Variants in TRAF6 observed in about 807,000 individuals in gnomAD.
TRAF6 encodes the protein TNF receptor-associated factor 6.
Under a neutral mutation model 48.4 loss-of-function variants are expected in TRAF6, and 10 were observed. That is an observed-to-expected ratio of 0.21 (90% CI 0.13 to 0.35). TRAF6 has a LOEUF of 0.35. Among genes scored for constraint, TRAF6 ranks in the 10% least tolerant of loss-of-function variants. TRAF6 has a pLI of 1.00. For synonymous variants in TRAF6, 186 were observed against 219.6 expected (o/e 0.85, Z 1.35); for missense variants, 397 against 661.0 (o/e 0.60, Z 4.38).
At position 36,490,927 on chromosome 11, in the gene TRAF6, T is replaced by C. The variant is rs1463851425; in HGVS notation, c.757-277A>G. Among the ~76,000 whole-genome samples the C allele has an allele frequency of 6.6e-6, 1 of 152,196 alleles. No individual in the cohort carries two copies. Among genetic ancestry groups the C allele is most frequent in the East Asian group, 1.9e-4 (1 of 5,196 alleles). On this transcript the variant is annotated intron_variant, in intron 6 of 6. Transcript: ENST00000526995. The surrounding 1 kb of genome is among the most constrained non-coding windows in gnomAD (Gnocchi z 6.4). ...TGTATTTACACACATCCTTCTTTTC[T>C]AACTGAGATGCCTGTCCTCTCCAAG...
intron 2 of TRAF6, among the ~76,000 whole-genome samples, chr11:36,499,837 A>G (rs1179066298): frequency 6.6e-6 from 1 of 151,436 alleles, no homozygotes; most frequent in Non-Finnish European, 1.5e-5. Context: ...GGACAGACTT[A>G]TAATGAATTC....
At chr11:36,494,386 AC>A (rs1269596438) in intron 5 of TRAF6, among the ~76,000 whole-genome samples, 1 of 151,940 alleles carries the variant, frequency 6.6e-6, no homozygotes, top group Non-Finnish European at 1.5e-5. Context: ...AAACAAAAAA[AC>A]CCCACCATAT....
At chr11:36,494,850 C>T (rs1859608662) in intron 5 of TRAF6, 126 bp downstream of exon 5, 1 of 515,466 alleles carries the variant, frequency 1.9e-6, no homozygotes, top group Non-Finnish European at 3.3e-6. Context: ...AAAAAATTTT[C>T]ACACAGCTCT....
At chr11:36,509,383 C>A (rs567904704) in intron 1 of TRAF6, among the ~76,000 whole-genome samples, 1 of 151,724 alleles carries the variant, frequency 6.6e-6, no homozygotes, top group Non-Finnish European at 1.5e-5. Context: ...CTCGAACTAC[C>A]GAGTTTAGGG....
At chr11:36,495,364 C>G (rs1251521664) in intron 4 of TRAF6, among the ~76,000 whole-genome samples, 1 of 152,184 alleles carries the variant, frequency 6.6e-6, no homozygotes, top group Non-Finnish European at 1.5e-5. Flanking sequence ...CGAGGCTATA[C>G]TTCTCCAAAG....
chr11:36,497,343 T>C, intron 3 of TRAF6, 77 bp from the exon 4 acceptor site: 1 of 1,377,758 alleles, frequency 7.3e-7, no homozygotes, highest in South Asian at 1.4e-5. Context: ...AATCATATAC[T>C]GTTCTCTTTC....
intron 1 of TRAF6, among the ~76,000 whole-genome samples, chr11:36,504,485 A>G (rs771848657): frequency 6.6e-6 from 1 of 152,204 alleles, no homozygotes. Context: ...AAATTCAGTC[A>G]TATCTTCAGA....
At chr11:36,495,542 T>A (rs1859618962) in intron 4 of TRAF6, among the ~76,000 whole-genome samples, 1 of 152,204 alleles carries the variant, frequency 6.6e-6, no homozygotes, top group Non-Finnish European at 1.5e-5. Context: ...CTTTAGTTGA[T>A]GTGCTGAGAA....
Position 36,489,490 on chromosome 11 carries a change from A to G in TRAF6, c.*348T>C, listed in dbSNP as rs983581175. On this transcript the variant is annotated 3_prime_UTR_variant, in exon 7 of 7. Coordinates refer to ENST00000526995, the MANE Select transcript of TRAF6 (RefSeq NM_004620.4). ...GTTTTAAGGAAAATCCATTATTATTAAAAGTTTAGTACTCTTGAGTCTGGA... is the reference window on the plus strand; with the variant it reads ...GTTTTAAGGAAAATCCATTATTATTGAAAGTTTAGTACTCTTGAGTCTGGA... 4.6e-6 allele frequency: 1 copy of G among 219,242 alleles called. No individual in the cohort carries two copies. The highest frequency in any genetic ancestry group is 9.1e-6 in the Non-Finnish European group (1 of 110,482). The allele number at this position is 219,242 out of a possible 1,614,324, so 13.6% of individuals were successfully genotyped here.
Position 36,499,619 on chromosome 11 carries a change from G to T in TRAF6, c.297-979C>A, listed in dbSNP as rs5030451. On this transcript the variant is annotated intron_variant, in intron 2 of 6. Transcript: ENST00000526995. ...ATCTCAAAAATAAAATAATGTGGAG[G>T]TTGAGAAAAATCTACCCAAAATAGA... Among the ~76,000 whole-genome samples the T allele has an allele frequency of 1.5e-3, 234 of 152,242 alleles. 1 individual carries two copies. Among genetic ancestry groups the T allele is most frequent in the African/African-American group, 4.7e-3 (197 of 41,538 alleles).
chr11:36,498,904 T>C (rs1859678033), intron 2 of TRAF6, among the ~76,000 whole-genome samples: 1 of 152,208 alleles, frequency 6.6e-6, no homozygotes. Flanking sequence ...TCCAGCTTTT[T>C]GAGAAAAATT....
chr11:36,492,267 T>C (rs559159883), intron 6 of TRAF6, among the ~76,000 whole-genome samples: 24 of 152,202 alleles, frequency 1.6e-4, no homozygotes, highest in Admixed American at 7.9e-4. Flanking sequence ...CAAATCACCA[T>C]GCTCACTCTT....
chr11:36,485,747 G>T lies in TRAF6; in HGVS notation c.*4091C>A, dbSNP rs1859473967. On this transcript the variant is annotated 3_prime_UTR_variant, in exon 7 of 7. Coordinates refer to ENST00000526995, the MANE Select transcript of TRAF6 (RefSeq NM_004620.4). ...ACCTCCTTGCCAAGTGTCCGTTTTT[G>T]ACTGAAAGTGAAGGCTGTAATTGAG... 6.6e-6 allele frequency among the ~76,000 whole-genome samples: 1 copy of T among 152,124 alleles called. No individual in the cohort carries two copies. Among genetic ancestry groups the T allele is most frequent in the Non-Finnish European group, 1.5e-5 (1 of 68,030 alleles).
At position 36,487,228 on chromosome 11, in the gene TRAF6, T is replaced by A. The variant is rs1387490352; in HGVS notation, c.*2610A>T. The A allele has an allele frequency of 1.3e-5, 2 of 152,210 alleles. No individual in the cohort carries two copies. The highest frequency in any genetic ancestry group is 4.8e-5 in the African/African-American group (2 of 41,454). 9.4% of individuals were successfully genotyped at this position (152,210 alleles called of 1,614,324 possible). On this transcript the variant is annotated 3_prime_UTR_variant, in exon 7 of 7. Transcript: ENST00000526995. Reference sequence around the variant, plus strand: ...AAAAGGTGGTTAGTAACATACAACATAAAGCCCAAAGGCTTGTATACCCAA... The same window carrying A: ...AAAAGGTGGTTAGTAACATACAACAAAAAGCCCAAAGGCTTGTATACCCAA...
chr11:36,495,248 T>C (rs1461471979), intron 4 of TRAF6, among the ~76,000 whole-genome samples: 2 of 152,230 alleles, frequency 1.3e-5, no homozygotes, highest in Non-Finnish European at 2.9e-5. Flanking sequence ...TTCATTCAAC[T>C]TTCCAGCTCT....
rs989055162 is a variant in TRAF6 at position 36,488,614 on chromosome 11, T to C, written c.*1224A>G. On this transcript the variant is annotated 3_prime_UTR_variant, in exon 7 of 7. Transcript: ENST00000526995. The stretch of plus-strand genomic sequence containing the variant: ...TATATATAGGCCTTTAACAAATACA[T>C]GATGGCACACAAAAAAATCATCTCC... The C allele has an allele frequency of 5.3e-5, 8 of 152,108 alleles. No individual in the cohort carries two copies. The highest frequency in any genetic ancestry group is 1.9e-4 in the African/African-American group (8 of 41,392). 9.4% of individuals were successfully genotyped at this position (152,108 alleles called of 1,614,324 possible).
rs12281100 is a variant in TRAF6, at chr11:36,485,223, A to C, written c.*4615T>G. Among the ~76,000 whole-genome samples the C allele has an allele frequency of 0.022, 3,423 of 152,260 alleles. 149 individuals are homozygous for C. Among genetic ancestry groups the C allele is most frequent in the African/African-American group, 0.078 (3,222 of 41,510 alleles). On this transcript the variant is annotated 3_prime_UTR_variant, in exon 7 of 7. Coordinates refer to ENST00000526995, the MANE Select transcript of TRAF6 (RefSeq NM_004620.4). Reference sequence around the variant, plus strand: ...GCTGAAGAAAAAAAGCAAAAAAAGTAACATCTGCGCCTTACCATCTAAAAT... The same window carrying C: ...GCTGAAGAAAAAAAGCAAAAAAAGTCACATCTGCGCCTTACCATCTAAAAT...
rs750966654 is a variant in TRAF6 at position 36,495,003 on chromosome 11, G to A, written c.651C>T (p.Tyr217=). The A allele has an allele frequency of 6.2e-7, 1 of 1,606,168 alleles. No individual in the cohort carries two copies. Among genetic ancestry groups the A allele is most frequent in the South Asian group, 1.1e-5 (1 of 90,634 alleles). Reference sequence around the variant, plus strand: ...GTTCTCTGATGAGTATAGTATTGCAGTATTCACAGATGACATTTGCCAAAG... The same window carrying A: ...GTTCTCTGATGAGTATAGTATTGCAATATTCACAGATGACATTTGCCAAAG... ...NCPLANVICE[Y]CNTILIREQM... The change falls in exon 5 of 7, where the codon TAC becomes TAT. Residue 217 remains tyrosine (Y), a synonymous_variant. Coordinates refer to ENST00000526995, the MANE Select transcript of TRAF6 (RefSeq NM_004620.4).
rs1277219003 is a variant in TRAF6, at chr11:36,484,009, G to T, written c.*5829C>A. Among the ~76,000 whole-genome samples the T allele has an allele frequency of 6.6e-6, 1 of 152,190 alleles. No homozygotes were observed. The highest frequency in any genetic ancestry group is 2.4e-5 in the African/African-American group (1 of 41,430). On this transcript the variant is annotated 3_prime_UTR_variant, in exon 7 of 7. Coordinates refer to ENST00000526995, the MANE Select transcript of TRAF6 (RefSeq NM_004620.4). Reference sequence around the variant, plus strand: ...CCAGGTGCCTTTTTGAGATAAGTGTGAATCCACATTCACAACCTGGGTTGA... The same window carrying T: ...CCAGGTGCCTTTTTGAGATAAGTGTTAATCCACATTCACAACCTGGGTTGA...
Sources: allele counts gnomAD v4.1 joint callset (sites outside exome capture counted in the v4.1 genomes callset), GRCh38; gene constraint gnomAD v4.1.1; non-coding constraint Gnocchi (gnomAD v3.1); transcripts MANE v1.5; gene names NCBI Gene and HGNC (gene_info 2026-07-23, HGNC 2026-07-21).